The following ZFYVE9 variants were observed in gnomAD, a reference collection of about 807,000 sequenced individuals.
ZFYVE9 encodes the protein zinc finger FYVE-type containing 9, also known as zinc finger FYVE domain-containing protein 9.
Under a neutral mutation model 126.7 loss-of-function variants are expected in ZFYVE9, and 43 were observed. The observed-to-expected ratio is 0.34, with a 90% CI of 0.27 to 0.44. The LOEUF (loss-of-function observed/expected upper bound fraction) is 0.44, where lower values mean the gene tolerates loss of function less well. Among genes scored for constraint, ZFYVE9 ranks in the 20% least tolerant of loss-of-function variants. The pLI, the probability that ZFYVE9 is intolerant of heterozygous loss-of-function variation, is 1.00. For missense variants in ZFYVE9, 1,476 were observed against 1,697.0 expected (o/e 0.87, Z 2.29); for synonymous variants, 521 against 597.4 (o/e 0.87, Z 1.87).
intron 4 of ZFYVE9, among the ~76,000 whole-genome samples, chr1:52,248,271 C>T (rs1452494283): frequency 1.3e-5 from 2 of 152,084 alleles, no homozygotes; most frequent in Non-Finnish European, 1.5e-5. Flanking sequence ...AATCCAGAGC[C>T]CAAAGAACCT....
intron 15 of ZFYVE9, 49 bp downstream of exon 15, chr1:52,334,817 C>CT: frequency 6.4e-7 from 1 of 1,564,134 alleles, no homozygotes; most frequent in African/African-American, 1.4e-5. Context: ...AACTTATGTA[C>CT]ATAAAGGGAA....
chr1:52,147,091 C>A (rs1050161823), intron 1 of ZFYVE9, among the ~76,000 whole-genome samples: 2 of 152,014 alleles, frequency 1.3e-5, no homozygotes, highest in Non-Finnish European at 2.9e-5. Flanking sequence ...TTAGGCTATG[C>A]GTATAAGTAT....
chr1:52,346,063 G>T lies in ZFYVE9; in HGVS notation c.4120G>T (p.Gly1374Cys), dbSNP rs1283525641. 2.5e-6 allele frequency: 4 copies of T among 1,597,760 alleles called. 1 individual carries two copies. The Middle Eastern group carries it at 6.7e-4, about 267-fold the overall frequency. The change falls in exon 19 of 19, where the codon GGC (glycine) becomes TGC (cysteine). Residue 1374 changes from glycine to cysteine, a missense_variant. This residue lies in a region of ZFYVE9 where 669 missense variants were observed against 902.4 expected (regional missense o/e 0.74). Coordinates refer to ENST00000287727, the MANE Select transcript of ZFYVE9 (RefSeq NM_004799.4). ...LRVTLDSDQV[G>C]YQAGSNGQPL... Reference sequence around the variant, plus strand: ...TCCTTTTCTCTCTGTGGTATAGGTTGGCTATCAAGCAGGGAGCAATGGCCA... The same window carrying T: ...TCCTTTTCTCTCTGTGGTATAGGTTTGCTATCAAGCAGGGAGCAATGGCCA...
intron 4 of ZFYVE9, among the ~76,000 whole-genome samples, chr1:52,251,856 A>G (rs1252409020): frequency 6.6e-6 from 1 of 152,100 alleles, no homozygotes; most frequent in Non-Finnish European, 1.5e-5. Flanking sequence ...TTACTGATTC[A>G]GTCTCCCCAC....
At chr1:52,296,076 C>A in intron 12 of ZFYVE9, 99 bp downstream of exon 12, 1 of 1,002,260 alleles carries the variant, frequency 1.0e-6, no homozygotes, top group South Asian at 1.4e-5. Context: ...GCCCAAGCTG[C>A]TTAAGGCAGG....
rs974379016 is a variant in ZFYVE9, at chr1:52,202,155, G to T, written c.-142-14214G>T. Among the ~76,000 whole-genome samples the T allele has an allele frequency of 5.3e-5, 8 of 152,098 alleles. No individual in the cohort carries two copies. The East Asian group carries it at 1.5e-3, about 29-fold the overall frequency. On this transcript the variant is annotated intron_variant, in intron 1 of 18. Transcript: ENST00000287727. ...TATAGGGGTACAGATTTTTAGGTTG[G>T]TCTTTTTTTCCTCTTTCTTCCTGCT...
Position 52,175,567 on chromosome 1 carries a change from G to A in ZFYVE9, c.-143+33164G>A, listed in dbSNP as rs377587136. ...ATGTTGGCCTGCCTTGCTAGATTGGGGAAGTTCTCCTGGATAATATCCTGC... is the reference window on the plus strand; with the variant it reads ...ATGTTGGCCTGCCTTGCTAGATTGGAGAAGTTCTCCTGGATAATATCCTGC... On this transcript the variant is annotated intron_variant, in intron 1 of 18. Coordinates refer to ENST00000287727, the MANE Select transcript of ZFYVE9 (RefSeq NM_004799.4). Among the ~76,000 whole-genome samples the A allele has an allele frequency of 2.4e-4, 36 of 150,704 alleles. No homozygotes were observed. In the East Asian group the frequency reaches 3.1e-3, roughly 13 times the overall value.
chr1:52,340,919 A>ACC (rs1557528193), intron 17 of ZFYVE9, among the ~76,000 whole-genome samples: 8 of 120,316 alleles, frequency 6.6e-5, no homozygotes, highest in Non-Finnish European at 1.3e-4. Flanking sequence ...AAAAAAAAAA[A>ACC]AAAAAAAAAA....
chr1:52,256,031 GTCTT>G (rs1645514525), intron 4 of ZFYVE9, among the ~76,000 whole-genome samples: 1 of 71,474 alleles, frequency 1.4e-5, no homozygotes, highest in Non-Finnish European at 2.5e-5. Context: ...CTTTCTTTCT[GTCTT>G]TCTTTCTTTC....
intron 1 of ZFYVE9, among the ~76,000 whole-genome samples, chr1:52,197,536 A>G (rs930294139): frequency 6.6e-6 from 1 of 152,158 alleles, no homozygotes; most frequent in African/African-American, 2.4e-5. Flanking sequence ...ACTCTGAGGA[A>G]TTTCAACATT....
chr1:52,260,818 A>G (rs1260955181), intron 4 of ZFYVE9, among the ~76,000 whole-genome samples: 1 of 152,212 alleles, frequency 6.6e-6, no homozygotes, highest in African/African-American at 2.4e-5. Context: ...CTCTAGCTCA[A>G]AGAAAAAAAA....
intron 7 of ZFYVE9, 78 bp from the exon 8 acceptor site, chr1:52,274,386 C>G (rs1451616049): frequency 1.2e-5 from 17 of 1,439,512 alleles, no homozygotes; most frequent in Non-Finnish European, 7.4e-6. Flanking sequence ...ACTTAAGTTC[C>G]CATTTGTATT....
rs145701163 is a variant in ZFYVE9, at chr1:52,250,733, A to G, written c.2178+11138A>G. Among the ~76,000 whole-genome samples, 949 of 150,904 alleles carry G rather than the reference A, an allele frequency of 6.3e-3. 13 individuals are homozygous for G. Among genetic ancestry groups the G allele is most frequent in the South Asian group, 0.056 (265 of 4,766 alleles). ...TTCAGTCTTTTTTTTTTTTTGAGAC[A>G]GGGTGTCATTCTGTCACCCAGGCTT... On this transcript the variant is annotated intron_variant, in intron 4 of 18. Transcript: ENST00000287727.
intron 13 of ZFYVE9, among the ~76,000 whole-genome samples, chr1:52,311,939 C>T (rs765246389): frequency 3.3e-5 from 5 of 151,934 alleles, no homozygotes; most frequent in Admixed American, 2.0e-4. Context: ...TACAGGCAAA[C>T]GCCACCATGC....
intron 1 of ZFYVE9, among the ~76,000 whole-genome samples, chr1:52,170,130 C>A (rs771402196): frequency 7.9e-5 from 12 of 152,140 alleles, no homozygotes; most frequent in Non-Finnish European, 1.2e-4. Context: ...TAATTCTAAG[C>A]TGTAATAATT....
At chr1:52,301,739 C>G (rs150498239) in intron 12 of ZFYVE9, among the ~76,000 whole-genome samples, 6 of 152,178 alleles carry the variant, frequency 3.9e-5, no homozygotes, top group Non-Finnish European at 7.3e-5. Context: ...TTATAGTTTT[C>G]ATCTGATATT....
At chr1:52,170,168 T>C (rs1257547562) in intron 1 of ZFYVE9, among the ~76,000 whole-genome samples, 1 of 152,218 alleles carries the variant, frequency 6.6e-6, no homozygotes, top group African/African-American at 2.4e-5. Flanking sequence ...ATAACATTAA[T>C]TTATGAACAT....
intron 10 of ZFYVE9, among the ~76,000 whole-genome samples, chr1:52,289,429 CCATTGATATAAAG>C (rs1208105429): frequency 4.6e-5 from 7 of 152,092 alleles, no homozygotes; most frequent in Non-Finnish European, 7.4e-5. Context: ...ACTTTATAAA[CCATTGATATAAAG>C]CATTTAACAC....
chr1:52,310,874 A>G (rs144588204), intron 13 of ZFYVE9, among the ~76,000 whole-genome samples: 38 of 152,098 alleles, frequency 2.5e-4, no homozygotes, highest in African/African-American at 7.5e-4. Flanking sequence ...TGTTGTTGTC[A>G]TTGTTTTCTT....
Sources: allele counts gnomAD v4.1 joint callset (sites outside exome capture counted in the v4.1 genomes callset), GRCh38; gene constraint gnomAD v4.1.1; regional missense constraint gnomAD v4.1.1; transcripts MANE v1.5; gene names NCBI Gene and HGNC (gene_info 2026-07-23, HGNC 2026-07-21).